GPATCH8: variants seen among roughly 807,000 people sequenced by gnomAD.
The protein encoded by GPATCH8 is G patch domain-containing protein 8.
Under a neutral mutation model 118.3 loss-of-function variants are expected in GPATCH8, and 18 were observed. That is an observed-to-expected ratio of 0.15 (90% CI 0.11 to 0.23). The LOEUF (loss-of-function observed/expected upper bound fraction) is 0.23. Ranked by LOEUF, GPATCH8 falls within the 10% of genes least tolerant of loss-of-function variation. GPATCH8 has a pLI of 1.00. For synonymous variants in GPATCH8, 659 were observed against 684.7 expected, an observed-to-expected ratio of 0.96 and a Z score of 0.59; for missense variants, 1,631 against 1,873.8, an observed-to-expected ratio of 0.87 and a Z score of 2.39.
intron 3 of GPATCH8, among the ~76,000 whole-genome samples, chr17:44,452,296 A>G (rs551702356): frequency 6.6e-6 from 1 of 151,266 alleles, no homozygotes; most frequent in Non-Finnish European, 1.5e-5. Flanking sequence ...AAAAGAAAAA[A>G]AAAAAAAGGA....
chr17:44,480,707 C>CAAA (rs1370443105), intron 1 of GPATCH8, among the ~76,000 whole-genome samples: 1 of 100,270 alleles, frequency 1.0e-5, no homozygotes, highest in South Asian at 3.0e-4. Context: ...GCAACAAGGG[C>CAAA]AAAAAAAAAA....
At chr17:44,444,467 TC>T (rs1304832069) in intron 3 of GPATCH8, among the ~76,000 whole-genome samples, 1 of 151,584 alleles carries the variant, frequency 6.6e-6, no homozygotes, top group Non-Finnish European at 1.5e-5. Flanking sequence ...AACAGTTAAG[TC>T]TTTAGTTTAA....
At chr17:44,496,303 G>A (rs961962740) in intron 1 of GPATCH8, among the ~76,000 whole-genome samples, 2 of 152,098 alleles carry the variant, frequency 1.3e-5, no homozygotes, top group Non-Finnish European at 2.9e-5. Context: ...ATGTTATGGG[G>A]GCTATAAGAC....
At chr17:44,433,824 G>C (rs996935966) in intron 5 of GPATCH8, among the ~76,000 whole-genome samples, 1 of 152,166 alleles carries the variant, frequency 6.6e-6, no homozygotes, top group Non-Finnish European at 1.5e-5. Flanking sequence ...TCAAAACCAA[G>C]AGTAATGAAA....
At chr17:44,464,332 C>T in intron 3 of GPATCH8, 140 bp downstream of exon 3, 1 of 746,218 alleles carries the variant, frequency 1.3e-6, no homozygotes, top group South Asian at 1.4e-5. Context: ...AGTTATAGGA[C>T]AAACAGACTA....
intron 1 of GPATCH8, among the ~76,000 whole-genome samples, chr17:44,485,438 T>A (rs1968705388): frequency 6.6e-6 from 1 of 152,118 alleles, no homozygotes; most frequent in Non-Finnish European, 1.5e-5. Context: ...ATTTTCTGTT[T>A]ATTTTTGAGA....
At chr17:44,490,822 T>C (rs1969189823) in intron 1 of GPATCH8, among the ~76,000 whole-genome samples, 1 of 152,224 alleles carries the variant, frequency 6.6e-6, no homozygotes, top group African/African-American at 2.4e-5. Flanking sequence ...ACAGTAGCTC[T>C]AGTTCCTTAC....
chr17:44,466,109 C>G (rs762128611), intron 2 of GPATCH8, among the ~76,000 whole-genome samples: 2 of 152,070 alleles, frequency 1.3e-5, no homozygotes, highest in Admixed American at 6.5e-5. Flanking sequence ...CCTTGACCTC[C>G]TGGGCTCAAG....
intron 3 of GPATCH8, among the ~76,000 whole-genome samples, chr17:44,455,228 A>G (rs950466909): frequency 6.6e-6 from 1 of 152,148 alleles, no homozygotes. Flanking sequence ...GTGGCCGGGC[A>G]TGGTGGCTCA....
intron 1 of GPATCH8, among the ~76,000 whole-genome samples, chr17:44,479,756 C>G (rs1968062793): frequency 6.6e-6 from 1 of 152,044 alleles, no homozygotes; most frequent in Non-Finnish European, 1.5e-5. Flanking sequence ...ATCACAGGGT[C>G]AGGAGTTCGA....
chr17:44,418,627 A>G lies in GPATCH8; in HGVS notation c.492+5722T>C, dbSNP rs61513035. On this transcript the variant is annotated intron_variant, in intron 6 of 7. Transcript: ENST00000591680. Reference sequence around the variant, plus strand: ...GTGCTGCCACGCCCGGCTTTTTTGTATTTTTAGTAGAGAGGGGTTTTCACC... The same window carrying G: ...GTGCTGCCACGCCCGGCTTTTTTGTGTTTTTAGTAGAGAGGGGTTTTCACC... Among the ~76,000 whole-genome samples the G allele has an allele frequency of 8.6e-3, 1,313 of 151,832 alleles. 20 individuals are homozygous for G. The highest frequency in any genetic ancestry group is 0.03 in the African/African-American group (1,257 of 41,390).
At chr17:44,486,374 TTTTAAAGGTGATTTG>T (rs1251060793) in intron 1 of GPATCH8, 5 of 152,218 alleles carry the variant, frequency 3.3e-5, no homozygotes, top group Non-Finnish European at 7.3e-5. Flanking sequence ...GCACACAGTC[TTTTAAAGGTGATTTG>T]CATTGTTAAA....
At chr17:44,483,206 T>TATATATATATATATACACAC (rs1555646849) in intron 1 of GPATCH8, among the ~76,000 whole-genome samples, 3 of 77,490 alleles carry the variant, frequency 3.9e-5, no homozygotes, top group African/African-American at 1.5e-4. Context: ...TATATATATA[T>TATATATATATATATACACAC]ATATATATAT....
At chr17:44,500,814 T>C (rs1201422611) in intron 1 of GPATCH8, among the ~76,000 whole-genome samples, 1 of 152,218 alleles carries the variant, frequency 6.6e-6, no homozygotes, top group Non-Finnish European at 1.5e-5. Flanking sequence ...CCCAAAACCT[T>C]AAAAGGAGGC....
intron 3 of GPATCH8, among the ~76,000 whole-genome samples, chr17:44,453,500 G>GGTGTGTGTGTGTGTGTGTGTGT (rs56962134): frequency 5.6e-4 from 80 of 142,750 alleles, no homozygotes; most frequent in African/African-American, 2.1e-3. Flanking sequence ...GGTAGGTAGG[G>GGTGTGTGTGTGTGTGTGTGTGT]GTGTGTGTGT....
At chr17:44,426,298 C>T (rs996121941) in intron 5 of GPATCH8, among the ~76,000 whole-genome samples, 12 of 152,098 alleles carry the variant, frequency 7.9e-5, no homozygotes, top group African/African-American at 2.4e-4. Context: ...TGCCCAATTG[C>T]GGCAGATCTA....
At chr17:44,478,072 C>A (rs1389362909) in intron 1 of GPATCH8, among the ~76,000 whole-genome samples, 1 of 152,058 alleles carries the variant, frequency 6.6e-6, no homozygotes, top group Non-Finnish European at 1.5e-5. Flanking sequence ...GTGATCTGCC[C>A]GCCTCAGCCT....
chr17:44,465,736 A>G (rs1171690574), intron 2 of GPATCH8: 1 of 152,262 alleles, frequency 6.6e-6, no homozygotes, highest in East Asian at 1.9e-4. Flanking sequence ...ATCAATTTAT[A>G]AAGCTGACGA....
chr17:44,400,457 A>T lies in GPATCH8; in HGVS notation c.1620T>A (p.Val540=). The T allele has an allele frequency of 6.2e-7, 1 of 1,614,136 alleles. No individual in the cohort carries two copies. Among genetic ancestry groups the T allele is most frequent in the South Asian group, 1.1e-5 (1 of 91,076 alleles). ...PKHPTGPFFP[V]LSKDESTALQ... ...GGGCAGTGCTTTCATCTTTGCTCAA[A>T]ACTGGGAAGAAGGGACCAGTAGGAT... Residue 540 remains valine (V), a synonymous_variant, in exon 8 of 8, where the codon GTT becomes GTA. Coordinates refer to ENST00000591680, the MANE Select transcript of GPATCH8 (RefSeq NM_001002909.4).
Sources: allele counts gnomAD v4.1 joint callset (sites outside exome capture counted in the v4.1 genomes callset), GRCh38; gene constraint gnomAD v4.1.1; transcripts MANE v1.5; gene names NCBI Gene and HGNC (gene_info 2026-07-23, HGNC 2026-07-21).